RASIP1: variants seen among roughly 807,000 people sequenced by gnomAD.
RASIP1 encodes ras-interacting protein 1.
RASIP1 carries 20 observed loss-of-function variants against 85.3 expected under a neutral mutation model. The ratio of observed to expected loss-of-function variants is 0.23; its 90% CI spans 0.17 to 0.34. The LOEUF (loss-of-function observed/expected upper bound fraction) is 0.34, where lower values mean the gene tolerates loss of function less well. Among genes scored for constraint, RASIP1 ranks in the 10% least tolerant of loss-of-function variants. The pLI is 1.00. For synonymous variants in RASIP1, 617 were observed against 647.1 expected, an observed-to-expected ratio of 0.95 and a Z score of 0.71; for missense variants, 1,170 against 1,390.9, an observed-to-expected ratio of 0.84 and a Z score of 2.53.
chr19:48,720,853 T>C lies in RASIP1; in HGVS notation c.2837A>G (p.Gln946Arg), dbSNP rs1375574160. ...RLRRLLWDLE[Q>R]QELPANYRHG... ...GCGATAATTGGCTGGCAGCTCCTGC[T>C]GCTCAAGATCCCAGAGGAGGCGGCG... The change falls in exon 12 of 12, where the codon CAG becomes CGG. Residue 946 changes from glutamine (Q) to arginine (R), a missense_variant. Gln to Arg is a conservative substitution (Grantham distance 43). Coordinates refer to ENST00000222145, the MANE Select transcript of RASIP1 (RefSeq NM_017805.3). 1 of 1,614,044 alleles carries C rather than the reference T, an allele frequency of 6.2e-7. No individual in the cohort carries two copies. The highest frequency in any genetic ancestry group is 8.5e-7 in the Non-Finnish European group (1 of 1,180,024).
chr19:48,739,324 G>A lies in RASIP1; in HGVS notation c.459C>T (p.Ala153=). ...APPGVLKIFG[A]GLASGANYKS... ...TGTAGTTGGCGCCCGATGCCAGTCC[G>A]GCGCCGAAGATCTTGAGGACCCCCG... The change falls in exon 3 of 12, where the codon GCC becomes GCT. Residue 153 remains alanine, a synonymous_variant. Coordinates refer to ENST00000222145, the MANE Select transcript of RASIP1 (RefSeq NM_017805.3). This position sits in a 1 kb window ranked among gnomAD's most constrained non-coding sequence, Gnocchi z 9.2. The A allele has an allele frequency of 7.3e-7, 1 of 1,376,084 alleles. No homozygotes were observed. The highest frequency in any genetic ancestry group is 1.6e-5 in the South Asian group (1 of 61,374). The allele number at this position is 1,376,084 out of a possible 1,614,324, so 85.2% of individuals were successfully genotyped here.
At chr19:48,729,726 T>A in intron 4 of RASIP1, 136 bp from the exon 5 acceptor site, 1 of 1,090,710 alleles carries the variant, frequency 9.2e-7, no homozygotes, top group South Asian at 1.5e-5. Context: ...TTTTTTTTTT[T>A]TTTTTTGAGA....
At chr19:48,732,324 C>T (rs1308986685) in intron 4 of RASIP1, among the ~76,000 whole-genome samples, 4 of 151,136 alleles carry the variant, frequency 2.6e-5, no homozygotes, top group South Asian at 2.1e-4. Flanking sequence ...GGCGCGATCT[C>T]GGCTCACTAC....
In RASIP1 at chr19:48,721,780, G is replaced by A. The variant is rs533996256; in HGVS notation, c.2692+74C>T. On this transcript the variant is annotated intron_variant, in intron 11 of 11. Coordinates refer to ENST00000222145, the MANE Select transcript of RASIP1 (RefSeq NM_017805.3). ...ATCGCGCCATTGCACTCCAGCCTGA[G>A]TGACAGGGCGAGACTCCGTCTCAAA... is the stretch of plus-strand genomic sequence containing the variant. 2.0e-4 allele frequency: 299 copies of A among 1,498,720 alleles called. 3 individuals are homozygous for A. The East Asian group carries it at 6.8e-3, about 34-fold the overall frequency. The allele number at this position is 1,498,720 out of a possible 1,614,324, so 92.8% of individuals were successfully genotyped here. A position where few individuals can be genotyped will look rare whatever the true frequency, so the allele number is the denominator to read the frequency against.
Position 48,729,018 on chromosome 19 carries a change from C to T in RASIP1, c.1752G>A (p.Gln584=), listed in dbSNP as rs770925881. Residue 584 remains glutamine (Q), a synonymous_variant, in exon 5 of 12, where the codon CAG becomes CAA. Coordinates refer to ENST00000222145, the MANE Select transcript of RASIP1 (RefSeq NM_017805.3). ...CCAGCTCCAGCTCACGGGCGGAATG[C>T]TGCACGCACAGCGCCAGCAGCGTGG... The part of the protein sequence containing the change: ...GPATLLALCV[Q]HSARELELGH... The T allele has an allele frequency of 2.8e-5, 41 of 1,439,856 alleles. No homozygotes were observed. The highest frequency in any genetic ancestry group is 6.1e-5 in the Admixed American group (2 of 32,712). The allele number at this position is 1,439,856 out of a possible 1,614,324, so 89.2% of individuals were successfully genotyped here. A position where few individuals can be genotyped will look rare whatever the true frequency, so the allele number is the denominator to read the frequency against.
At chr19:48,727,527 G>T in intron 5 of RASIP1, 97 bp from the exon 6 acceptor site, 2 of 1,309,404 alleles carry the variant, frequency 1.5e-6, no homozygotes, top group Non-Finnish European at 2.2e-6. Flanking sequence ...CTCTCATAGA[G>T]ACTGGTCCTA....
rs934532263 is a variant in RASIP1 at position 48,720,743 on chromosome 19, T to C, written c.*55A>G. 1.1e-5 allele frequency: 18 copies of C among 1,573,294 alleles called. No homozygotes were observed. The highest frequency in any genetic ancestry group is 1.5e-5 in the Non-Finnish European group (17 of 1,144,530). ...AAAGCTTTGCGCTCAGGCGGGCTCC[T>C]GTCCGTAGAAGCCCGTGACATTTCA... On this transcript the variant is annotated 3_prime_UTR_variant, in exon 12 of 12. Transcript: ENST00000222145.
At chr19:48,737,931 AGTTTTTT>A in intron 3 of RASIP1, 1 of 984,754 alleles carries the variant, frequency 1.0e-6, no homozygotes, top group Non-Finnish European at 1.2e-6. Flanking sequence ...TCTGGAGGAC[AGTTTTTT>A]GTTTGTTTGT....
chr19:48,736,271 C>T (rs1238273563), intron 3 of RASIP1, among the ~76,000 whole-genome samples: 1 of 151,720 alleles, frequency 6.6e-6, no homozygotes. Flanking sequence ...AAAAATGTGG[C>T]AGGTGCCTGT....
At chr19:48,728,047 T>C (rs1052456547) in intron 5 of RASIP1, among the ~76,000 whole-genome samples, 1 of 152,156 alleles carries the variant, frequency 6.6e-6, no homozygotes, top group African/African-American at 2.4e-5. Context: ...TTTTAAAACA[T>C]ACACACCCTA....
intron 4 of RASIP1, among the ~76,000 whole-genome samples, chr19:48,731,435 A>G (rs463631): frequency 0.92 from 140,303 of 152,154 alleles, 64,842 homozygotes; most frequent in Middle Eastern, 0.98. Context: ...CCCAAAAAGG[A>G]CATCTCCAAA....
chr19:48,739,396 C>T lies in RASIP1; in HGVS notation c.387G>A (p.Ala129=). The T allele has an allele frequency of 3.7e-6, 5 of 1,352,042 alleles. No homozygotes were observed. The highest frequency in any genetic ancestry group is 8.0e-5 in the Admixed American group (2 of 24,886). The allele number at this position is 1,352,042 out of a possible 1,614,324, so 83.8% of individuals were successfully genotyped here. The change falls in exon 3 of 12, where the codon GCG becomes GCA. Residue 129 remains alanine (A), a synonymous_variant. Transcript: ENST00000222145. This position sits in a 1 kb window ranked among gnomAD's most constrained non-coding sequence, Gnocchi z 9.2. ...ASEKKLPELA[A]GVAPEPPLAT... ...CCAGCGGGGGCTCGGGGGCCACGCC[C>T]GCCGCCAGCTCCGGCAGCTTCTTCT... is the stretch of plus-strand genomic sequence containing the variant.
In RASIP1 at chr19:48,735,523, C is replaced by T; in HGVS notation, c.852G>A (p.Gln284=). The change falls in exon 4 of 12, where the codon CAG becomes CAA. Residue 284 remains glutamine (Q), a synonymous_variant. Transcript: ENST00000222145. ...EGTGAPSWRP[Q]KNRSRAASGG... is the part of the protein sequence containing the mutation. ...CCGACGCCGCCCGGGAGCGGTTCTT[C>T]TGTGGCCGCCACGAAGGGGCGCCGG... is the stretch of plus-strand genomic sequence containing the variant. 6.5e-7 allele frequency: 1 copy of T among 1,543,438 alleles called. No homozygotes were observed. Among genetic ancestry groups the T allele is most frequent in the Non-Finnish European group, 8.7e-7 (1 of 1,142,948 alleles).
chr19:48,727,368 C>T, intron 6 of RASIP1, 25 bp downstream of exon 6: 1 of 1,612,210 alleles, frequency 6.2e-7, no homozygotes, highest in Non-Finnish European at 8.5e-7. Flanking sequence ...TCCCTCCAGA[C>T]CACTCTGCTC....
At chr19:48,735,663 A>G in intron 3 of RASIP1, 112 bp from the exon 4 acceptor site, 1 of 1,021,862 alleles carries the variant, frequency 9.8e-7, no homozygotes, top group Non-Finnish European at 1.4e-6. Context: ...TGCTTCCCAC[A>G]TTTAGGATTT....
chr19:48,725,493 CT>C (rs1386018484), intron 8 of RASIP1: 1 of 154,584 alleles, frequency 6.5e-6, no homozygotes, highest in African/African-American at 2.4e-5. Flanking sequence ...CCAAAAGATC[CT>C]CTCTCATTCT....
intron 10 of RASIP1, among the ~76,000 whole-genome samples, chr19:48,722,409 G>A (rs192767996): frequency 1.1e-4 from 16 of 145,028 alleles, no homozygotes; most frequent in Admixed American, 1.1e-3. Flanking sequence ...TCAAACTCCC[G>A]GCTCAAGTGA....
In RASIP1 at chr19:48,721,016, C is replaced by A; in HGVS notation, c.2693-19G>T. ...ATGTCCCCTGTGAGGCCGAAGGCGG[C>A]GCGGTTAGAGTCTGAAAGTGGGAGT... is the stretch of plus-strand genomic sequence containing the variant. On this transcript the variant is annotated intron_variant, in intron 11 of 11. Transcript: ENST00000222145. The A allele has an allele frequency of 6.4e-7, 1 of 1,565,558 alleles. No homozygotes were observed. Among genetic ancestry groups the A allele is most frequent in the Non-Finnish European group, 8.6e-7 (1 of 1,156,634 alleles).
chr19:48,723,115 G>A (rs2033279008), intron 10 of RASIP1, among the ~76,000 whole-genome samples: 1 of 152,038 alleles, frequency 6.6e-6, no homozygotes, highest in Admixed American at 6.6e-5. Context: ...CAAACTCCTG[G>A]GCTCAAGCGG....
Sources: gnomAD v4.1 joint callset for allele counts (sites outside exome capture counted in the v4.1 genomes callset) on GRCh38, gnomAD v4.1.1 for gene constraint, Gnocchi (gnomAD v3.1) non-coding constraint, MANE v1.5 for transcripts, NCBI Gene and HGNC (gene_info 2026-07-23, HGNC 2026-07-21) for gene names.